The following ACACA variants were observed in gnomAD, a reference collection of about 807,000 sequenced individuals.
ACACA encodes the protein acetyl-CoA carboxylase alpha.
Under a neutral mutation model 296.1 loss-of-function variants are expected in ACACA, and 103 were observed. The ratio of observed to expected loss-of-function variants is 0.35; its 90% confidence interval spans 0.30 to 0.41. ACACA has a LOEUF of 0.41. Ranked by LOEUF, ACACA falls within the 10% of genes least tolerant of loss-of-function variation. The pLI, the probability that ACACA is intolerant of heterozygous loss-of-function variation, is 1.00. For missense variants in ACACA, 1,554 were observed against 2,989.7 expected (o/e 0.52, Z 11.20); for synonymous variants, 953 against 1,038.6 (o/e 0.92, Z 1.58).
intron 45 of ACACA, among the ~76,000 whole-genome samples, chr17:37,132,365 C>A (rs1486496519): frequency 6.6e-6 from 1 of 152,134 alleles, no homozygotes; most frequent in Non-Finnish European, 1.5e-5. Context: ...TCTGTTGATG[C>A]GGGAGCCTGG....
At chr17:37,223,714 C>T (rs1391710912) in intron 27 of ACACA, 113 bp from the exon 28 acceptor site, 2 of 777,518 alleles carry the variant, frequency 2.6e-6, no homozygotes, top group Admixed American at 2.0e-5. Flanking sequence ...TCTCTGAATG[C>T]CATAATCTCT....
intron 25 of ACACA, among the ~76,000 whole-genome samples, chr17:37,227,714 G>T (rs11658519): frequency 0.011 from 1,731 of 151,992 alleles, 38 homozygotes; most frequent in African/African-American, 0.038. Context: ...CAAAAAATTA[G>T]CCGGGCGTGG....
intron 41 of ACACA, among the ~76,000 whole-genome samples, chr17:37,174,016 A>AT (rs1336673580): frequency 2.7e-4 from 4 of 15,032 alleles, no homozygotes; most frequent in East Asian, 3.6e-3. Context: ...ATATATATAT[A>AT]TATATTTTTT....
intron 1 of ACACA, among the ~76,000 whole-genome samples, chr17:37,365,051 C>A (rs947175023): frequency 6.6e-6 from 1 of 152,152 alleles, no homozygotes; most frequent in African/African-American, 2.4e-5. Flanking sequence ...CAGATCACTG[C>A]AACCTCCGCC....
chr17:37,152,501 T>C (rs2076085254), intron 43 of ACACA, among the ~76,000 whole-genome samples: 1 of 152,130 alleles, frequency 6.6e-6, no homozygotes, highest in African/African-American at 2.4e-5. Flanking sequence ...CCTTCATAAA[T>C]ATCAAGTATA....
chr17:37,358,051 G>A (rs1432329817), intron 1 of ACACA, among the ~76,000 whole-genome samples: 1 of 152,190 alleles, frequency 6.6e-6, no homozygotes, highest in African/African-American at 2.4e-5. Flanking sequence ...CGCTTAAGTA[G>A]AAACAGAATC....
intron 25 of ACACA, among the ~76,000 whole-genome samples, chr17:37,229,908 T>C (rs907491708): frequency 4.9e-5 from 7 of 142,768 alleles, no homozygotes; most frequent in Admixed American, 3.5e-4. Flanking sequence ...CTCTACTAAA[T>C]ACAAAAAAAT....
At chr17:37,129,564 C>G in intron 46 of ACACA, 79 bp from the exon 47 acceptor site, 1 of 1,586,570 alleles carries the variant, frequency 6.3e-7, no homozygotes, top group Non-Finnish European at 8.6e-7. Context: ...TAGTTATAGA[C>G]AAAGACAGCA....
intron 33 of ACACA, among the ~76,000 whole-genome samples, chr17:37,204,915 T>C (rs572109342): frequency 1.3e-5 from 2 of 152,186 alleles, no homozygotes; most frequent in Non-Finnish European, 2.9e-5. Flanking sequence ...ACATTTAATT[T>C]TGTGGTGATG....
At chr17:37,289,825 G>C (rs763480068) in intron 3 of ACACA, among the ~76,000 whole-genome samples, 10 of 152,280 alleles carry the variant, frequency 6.6e-5, no homozygotes, top group South Asian at 2.1e-4. Flanking sequence ...TAAGGAGGTA[G>C]GTAACTGAGC....
chr17:37,292,805 A>G (rs567018384), intron 3 of ACACA, among the ~76,000 whole-genome samples: 1 of 152,368 alleles, frequency 6.6e-6, no homozygotes, highest in African/African-American at 2.4e-5. Context: ...CAGAGGTTGC[A>G]GTGAGCTGAG....
At chr17:37,291,073 T>A (rs2083031301) in intron 3 of ACACA, among the ~76,000 whole-genome samples, 2 of 124,200 alleles carry the variant, frequency 1.6e-5, no homozygotes, top group Non-Finnish European at 1.6e-5. Context: ...AGAGCAAGAC[T>A]CTGTCTCAAA....
intron 25 of ACACA, among the ~76,000 whole-genome samples, chr17:37,233,068 T>C (rs1017915544): frequency 7.2e-5 from 11 of 152,154 alleles, no homozygotes; most frequent in Non-Finnish European, 1.2e-4. Context: ...AAAGTCAGAG[T>C]CCCATTGGCT....
At chr17:37,159,551 T>C (rs1381140176) in intron 42 of ACACA, among the ~76,000 whole-genome samples, 1 of 152,212 alleles carries the variant, frequency 6.6e-6, no homozygotes, top group Non-Finnish European at 1.5e-5. Context: ...GACTTTAGTA[T>C]ATTCAGATGT....
chr17:37,097,249 A>G lies in ACACA; in HGVS notation c.6721-83T>C, dbSNP rs2073050827. On this transcript the variant is annotated intron_variant, in intron 53 of 55. Transcript: ENST00000616317. The surrounding 1 kb of genome is among the most constrained non-coding windows in gnomAD (Gnocchi z 4.8). ...TGGAGGGAAACCCACAGGCATAAAA[A>G]CTGATTCTCCAGGCAAGCCCTTCAC... 2.0e-6 allele frequency: 3 copies of G among 1,508,594 alleles called. No homozygotes were observed. Among genetic ancestry groups the G allele is most frequent in the Non-Finnish European group, 2.7e-6 (3 of 1,109,228 alleles). The allele number at this position is 1,508,594 out of a possible 1,614,324, so 93.5% of individuals were successfully genotyped here.
At chr17:37,216,704 T>C (rs1307937262) in intron 29 of ACACA, among the ~76,000 whole-genome samples, 4 of 152,112 alleles carry the variant, frequency 2.6e-5, no homozygotes, top group Admixed American at 6.5e-5. Context: ...AACAGGTGTC[T>C]TCTCCCTTTT....
intron 43 of ACACA, among the ~76,000 whole-genome samples, chr17:37,153,529 A>C (rs1374985492): frequency 6.6e-6 from 1 of 152,210 alleles, no homozygotes; most frequent in Non-Finnish European, 1.5e-5. Flanking sequence ...GTGAAAACTC[A>C]ATGAAGAACA....
intron 2 of ACACA, among the ~76,000 whole-genome samples, chr17:37,336,430 A>G (rs552850147): frequency 1.2e-3 from 180 of 152,328 alleles, no homozygotes; most frequent in African/African-American, 4.1e-3. Flanking sequence ...GACCGCTTCC[A>G]CCTTTAAACA....
intron 29 of ACACA, 34 bp downstream of exon 29, chr17:37,221,690 G>C (rs533333153): frequency 6.6e-7 from 1 of 1,509,172 alleles, no homozygotes; most frequent in Admixed American, 1.7e-5. Context: ...TATACCTCTG[G>C]CTGGCTCGGG....
Sources: allele counts gnomAD v4.1 joint callset (sites outside exome capture counted in the v4.1 genomes callset), GRCh38; gene constraint gnomAD v4.1.1; non-coding constraint Gnocchi (gnomAD v3.1); transcripts MANE v1.5; gene names NCBI Gene and HGNC (gene_info 2026-07-23, HGNC 2026-07-21).